The following BPHL variants were observed in gnomAD, a reference collection of about 807,000 sequenced individuals.
BPHL encodes serine hydrolase BPHL.
In BPHL, 27 loss-of-function variants were observed where a neutral mutation model predicts 31.2. The ratio of observed to expected loss-of-function variants is 0.87; its 90% CI spans 0.64 to 1.19. BPHL has a LOEUF of 1.19. Among genes scored for constraint, BPHL ranks in the 50% most tolerant of loss-of-function variants. The pLI is 0.00. For synonymous variants in BPHL, 150 were observed against 146.8 expected, an observed-to-expected ratio of 1.02 and a Z score of -0.16; for missense variants, 356 against 375.7, an observed-to-expected ratio of 0.95 and a Z score of 0.43.
intron 1 of BPHL, among the ~76,000 whole-genome samples, chr6:3,122,723 AGG>A (rs1480295700): frequency 6.6e-6 from 1 of 152,204 alleles, no homozygotes; most frequent in Non-Finnish European, 1.5e-5. Flanking sequence ...GCTTATGGAC[AGG>A]GCTACTTAGC....
chr6:3,118,605 GGGGCGGGCAGA>G, upstream of BPHL: 1 of 584,118 alleles, frequency 1.7e-6, no homozygotes, highest in Non-Finnish European at 2.5e-6. Flanking sequence ...GCTTCGGGGC[GGGGCGGGCAGA>G]GGGCGGAGCA....
intron 5 of BPHL, among the ~76,000 whole-genome samples, 187 bp downstream of exon 5, chr6:3,137,680 C>T (rs972196050): frequency 1.3e-5 from 2 of 152,162 alleles, no homozygotes; most frequent in South Asian, 2.1e-4. Context: ...TCTGGCTTAA[C>T]GGAGAGGTAG....
Position 3,131,484 on chromosome 6 carries a change from C to T in BPHL, c.532+2286C>T, listed in dbSNP as rs148765916. ...AATACCCCTCCAGTTATCCTCACCTCTCTTCTTTCCCCACATTCTCCTGGT... is the reference window on the plus strand; with the variant it reads ...AATACCCCTCCAGTTATCCTCACCTTTCTTCTTTCCCCACATTCTCCTGGT... On this transcript the variant is annotated intron_variant, in intron 4 of 6. Coordinates refer to ENST00000380379, the MANE Select transcript of BPHL (RefSeq NM_004332.4). 3.8e-3 allele frequency among the ~76,000 whole-genome samples: 578 copies of T among 152,306 alleles called. 1 individual carries two copies. Among genetic ancestry groups the T allele is most frequent in the African/African-American group, 0.013 (553 of 41,556 alleles).
At chr6:3,135,679 T>C (rs924371297) in intron 4 of BPHL, among the ~76,000 whole-genome samples, 3 of 152,162 alleles carry the variant, frequency 2.0e-5, no homozygotes, top group Non-Finnish European at 4.4e-5. Context: ...TCGTCGTGTC[T>C]CTCTGCGTGG....
At chr6:3,127,551 A>G in intron 3 of BPHL, 143 bp downstream of exon 3, 1 of 645,120 alleles carries the variant, frequency 1.6e-6, no homozygotes. Context: ...AAATAGGTAT[A>G]AAGAAGAAAG....
At chr6:3,128,865 C>A (rs1042844367) in intron 3 of BPHL, among the ~76,000 whole-genome samples, 180 bp from the exon 4 acceptor site, 1 of 152,198 alleles carries the variant, frequency 6.6e-6, no homozygotes, top group Non-Finnish European at 1.5e-5. Flanking sequence ...GTGACAATTT[C>A]CACTAAAAGT....
chr6:3,142,803 A>G, intron 6 of BPHL, among the ~76,000 whole-genome samples: 1 of 152,206 alleles, frequency 6.6e-6, no homozygotes, highest in East Asian at 1.9e-4. Context: ...GCACAGTGAC[A>G]CACATAGTAA....
intron 6 of BPHL, among the ~76,000 whole-genome samples, chr6:3,147,615 C>CAA (rs971675910): frequency 6.8e-6 from 1 of 147,548 alleles, no homozygotes; most frequent in African/African-American, 2.5e-5. Flanking sequence ...TTGGGTTCTC[C>CAA]AAAAAAAAAG....
intron 5 of BPHL, chr6:3,138,207 A>G: frequency 6.0e-6 from 2 of 330,692 alleles, no homozygotes; most frequent in Non-Finnish European, 1.2e-5. Flanking sequence ...TTTAGTAGAG[A>G]CAGGGTTTCA....
At chr6:3,134,882 A>T (rs919783862) in intron 4 of BPHL, among the ~76,000 whole-genome samples, 2 of 151,944 alleles carry the variant, frequency 1.3e-5, no homozygotes, top group African/African-American at 4.8e-5. Flanking sequence ...GATTACAGGC[A>T]TGAACCACCG....
intron 3 of BPHL, among the ~76,000 whole-genome samples, chr6:3,128,803 A>G (rs1241993125): frequency 6.6e-6 from 1 of 152,242 alleles, no homozygotes; most frequent in Non-Finnish European, 1.5e-5. Flanking sequence ...TTATCCAACC[A>G]GAAGATGTAG....
intron 6 of BPHL, among the ~76,000 whole-genome samples, chr6:3,151,818 C>A (rs936893607): frequency 1.3e-5 from 2 of 152,196 alleles, no homozygotes; most frequent in African/African-American, 4.8e-5. Flanking sequence ...AAGGAAGAAG[C>A]CTTACGAGGA....
At position 3,137,362 on chromosome 6, in the gene BPHL, GCA is replaced by G; in HGVS notation, c.534_535del (p.Ile179ProfsTer8). ...CTTCGCCTACACTTCTGTTTTTCAG[GCA>G]TCCGAGATGTTTCCAAATGGAGTGA... On this transcript the variant is annotated frameshift_variant and splice_region_variant, in exon 5 of 7. Transcript: ENST00000380379. LOFTEE classifies it high-confidence loss of function. The G allele has an allele frequency of 6.2e-7, 1 of 1,609,728 alleles. No individual in the cohort carries two copies.
intron 1 of BPHL, among the ~76,000 whole-genome samples, chr6:3,120,279 C>T (rs2113741296): frequency 6.6e-6 from 1 of 152,266 alleles, no homozygotes; most frequent in East Asian, 1.9e-4. Context: ...AAATGATCCA[C>T]CTGCCTCAGC....
intron 6 of BPHL, among the ~76,000 whole-genome samples, chr6:3,147,841 C>T (rs898621412): frequency 6.6e-6 from 1 of 152,102 alleles, no homozygotes; most frequent in African/African-American, 2.4e-5. Flanking sequence ...GTGTGAAAGC[C>T]AGGAGGCTTG....
At chr6:3,131,379 G>A (rs908694885) in intron 4 of BPHL, among the ~76,000 whole-genome samples, 6 of 152,024 alleles carry the variant, frequency 3.9e-5, no homozygotes, top group Non-Finnish European at 8.8e-5. Context: ...TGCATCCCTC[G>A]AGGGCCCAGT....
chr6:3,134,570 G>A (rs538715593), intron 4 of BPHL, among the ~76,000 whole-genome samples: 56 of 149,938 alleles, frequency 3.7e-4, no homozygotes, highest in African/African-American at 1.4e-3. Flanking sequence ...CCAAGTAGCT[G>A]GCACTACAGG....
chr6:3,142,729 TGCCTA>T (rs1188402873), intron 6 of BPHL, among the ~76,000 whole-genome samples: 1 of 152,192 alleles, frequency 6.6e-6, no homozygotes, highest in African/African-American at 2.4e-5. Flanking sequence ...GATGGTAACA[TGCCTA>T]GAATAAGATA....
chr6:3,127,703 T>G (rs1268031381), intron 3 of BPHL, among the ~76,000 whole-genome samples: 1 of 152,262 alleles, frequency 6.6e-6, no homozygotes, highest in Admixed American at 6.5e-5. Flanking sequence ...ACTTACTATT[T>G]TTGTTGAACA....
Sources: gnomAD v4.1 joint callset for allele counts (sites outside exome capture counted in the v4.1 genomes callset) on GRCh38, gnomAD v4.1.1 for gene constraint, MANE v1.5 for transcripts, NCBI Gene and HGNC (gene_info 2026-07-23, HGNC 2026-07-21) for gene names.